Variants in AMBRA1 observed in about 807,000 individuals in gnomAD.
AMBRA1 encodes the protein activating molecule in BECN1-regulated autophagy protein 1.
Under a neutral mutation model 125.4 loss-of-function variants are expected in AMBRA1, and 47 were observed. The ratio of observed to expected loss-of-function variants is 0.37; its 90% confidence interval spans 0.30 to 0.48. The LOEUF is 0.48. Among genes scored for constraint, AMBRA1 ranks in the 20% least tolerant of loss-of-function variants. AMBRA1 has a pLI of 0.99. For synonymous variants in AMBRA1, 626 were observed against 655.5 expected (o/e 0.95, Z 0.69); for missense variants, 1,331 against 1,693.4 (o/e 0.79, Z 3.76).
At chr11:46,402,881 A>T (rs2136591311) in intron 17 of AMBRA1, among the ~76,000 whole-genome samples, 1 of 152,326 alleles carries the variant, frequency 6.6e-6, no homozygotes, top group African/African-American at 2.4e-5. Context: ...CTACAGAACT[A>T]TGAGCTATGC....
intron 11 of AMBRA1, among the ~76,000 whole-genome samples, chr11:46,449,121 C>T (rs190041283): frequency 5.9e-5 from 9 of 152,252 alleles, no homozygotes; most frequent in Admixed American, 3.3e-4. Flanking sequence ...CCCCCTAAGA[C>T]CAGGAACAAG....
intron 9 of AMBRA1, chr11:46,495,546 G>C (rs1313434815): frequency 6.6e-6 from 1 of 152,120 alleles, no homozygotes; most frequent in African/African-American, 2.4e-5. Flanking sequence ...TTATTCCTTT[G>C]ACCTGAAATT....
At chr11:46,413,977 AG>A (rs1398509872) in intron 15 of AMBRA1, among the ~76,000 whole-genome samples, 3 of 152,174 alleles carry the variant, frequency 2.0e-5, no homozygotes, top group Non-Finnish European at 4.4e-5. Flanking sequence ...AATCAGGGCC[AG>A]CCTTTTCCAG....
At chr11:46,454,787 T>C (rs1948778939) in intron 11 of AMBRA1, among the ~76,000 whole-genome samples, 1 of 150,656 alleles carries the variant, frequency 6.6e-6, no homozygotes, top group Non-Finnish European at 1.5e-5. Context: ...AAAGAGAAAT[T>C]AACCTGATAT....
At chr11:46,574,411 G>A (rs1180666469) in intron 1 of AMBRA1, among the ~76,000 whole-genome samples, 3 of 151,686 alleles carry the variant, frequency 2.0e-5, no homozygotes, top group African/African-American at 7.3e-5. Flanking sequence ...TTCCTCTGAT[G>A]GCCAGTGATG....
rs888105331 is a variant in AMBRA1, at chr11:46,542,647, C to A, written c.1370G>T (p.Gly457Val). The A allele has an allele frequency of 1.2e-6, 2 of 1,614,048 alleles. No individual in the cohort carries two copies. The highest frequency in any genetic ancestry group is 2.7e-5 in the African/African-American group (2 of 74,926). ...TGAAGTGTACACAGATGCCTGAGAG[C>A]CACCTTCCTGCTGTCTCAGCACAGA... ...LLSVLRQQEG[G>V]SQASVYTSAT... The change falls in exon 7 of 18, where the codon GGC (glycine) becomes GTC (valine). Residue 457 changes from glycine to valine, a missense_variant. Around this residue, in one of 4 missense-constraint regions of AMBRA1, gnomAD observed 689 missense variants for 776.5 expected, o/e 0.89. Coordinates refer to ENST00000683756, the MANE Select transcript of AMBRA1 (RefSeq NM_001387011.1). This position sits in a 1 kb window ranked among gnomAD's most constrained non-coding sequence, Gnocchi z 5.9.
intron 1 of AMBRA1, among the ~76,000 whole-genome samples, chr11:46,588,663 T>C (rs1041385763): frequency 2.0e-5 from 3 of 150,222 alleles, no homozygotes; most frequent in Non-Finnish European, 4.4e-5. Context: ...TAGTCCCAGC[T>C]ACCAGGGAGG....
At position 46,397,798 on chromosome 11, in the gene AMBRA1, G is replaced by T; in HGVS notation, c.3549C>A (p.Ile1183=). 1 of 1,609,522 alleles carries T rather than the reference G, an allele frequency of 6.2e-7. No homozygotes were observed. ...ASMGGFGNNI[I]VSHRIHRSSQ... is the part of the protein sequence containing the mutation. Reference sequence around the variant, plus strand: ...AGCTGCGGTGAATGCGGTGGCTGACGATGATGTTGTTGCCGAAGCCGCCCA... The same window carrying T: ...AGCTGCGGTGAATGCGGTGGCTGACTATGATGTTGTTGCCGAAGCCGCCCA... The change falls in exon 18 of 18, where the codon ATC becomes ATA. Residue 1183 remains isoleucine (I), a synonymous_variant. Coordinates refer to ENST00000683756, the MANE Select transcript of AMBRA1 (RefSeq NM_001387011.1).
At chr11:46,533,929 A>G (rs1952335867) in intron 7 of AMBRA1, among the ~76,000 whole-genome samples, 1 of 151,384 alleles carries the variant, frequency 6.6e-6, no homozygotes, top group Non-Finnish European at 1.5e-5. Flanking sequence ...CATCTCAGAG[A>G]TTTTGCATTC....
chr11:46,451,772 C>A (rs1282685555), intron 11 of AMBRA1: 1 of 152,022 alleles, frequency 6.6e-6, no homozygotes, highest in East Asian at 2.0e-4. Context: ...ATCCTGGAGA[C>A]ACAATTACTA....
chr11:46,563,842 CAAAAAAAAAAA>C (rs1262343623), intron 1 of AMBRA1, among the ~76,000 whole-genome samples: 2 of 46,664 alleles, frequency 4.3e-5, no homozygotes, highest in Non-Finnish European at 8.6e-5. Context: ...GAGACTGTCT[CAAAAAAAAAAA>C]AAAAAAAAAG....
chr11:46,527,008 A>G (rs983499025), intron 7 of AMBRA1, among the ~76,000 whole-genome samples: 19 of 152,236 alleles, frequency 1.2e-4, no homozygotes, highest in African/African-American at 4.3e-4. Flanking sequence ...TTTGTAAAGC[A>G]TAAGGCCCCT....
At chr11:46,589,975 A>G (rs1214844114) in intron 1 of AMBRA1, among the ~76,000 whole-genome samples, 1 of 152,102 alleles carries the variant, frequency 6.6e-6, no homozygotes, top group Non-Finnish European at 1.5e-5. Flanking sequence ...GAGGACCAAA[A>G]TGTTTGGATT....
Position 46,399,593 on chromosome 11 carries a change from G to A in AMBRA1, c.3404-1650C>T, listed in dbSNP as rs183307646. Among the ~76,000 whole-genome samples, 711 of 152,222 alleles carry A rather than the reference G, an allele frequency of 4.7e-3. 3 individuals are homozygous for A. Among genetic ancestry groups the A allele is most frequent in the Admixed American group, 8.0e-3 (123 of 15,298 alleles). Reference sequence around the variant, plus strand: ...TTGGCCAGGCTGCTCTCGACCTCCTGACTTCAGGCGATCCGCCCACCTAGG... The same window carrying A: ...TTGGCCAGGCTGCTCTCGACCTCCTAACTTCAGGCGATCCGCCCACCTAGG... On this transcript the variant is annotated intron_variant, in intron 17 of 17. Coordinates refer to ENST00000683756, the MANE Select transcript of AMBRA1 (RefSeq NM_001387011.1).
intron 14 of AMBRA1, among the ~76,000 whole-genome samples, chr11:46,427,112 G>C (rs1213413341): frequency 6.6e-6 from 1 of 152,166 alleles, no homozygotes. Flanking sequence ...GGGAAGGAGA[G>C]AGTCATAATG....
chr11:46,422,156 C>T (rs986875558), intron 14 of AMBRA1, among the ~76,000 whole-genome samples: 3 of 152,138 alleles, frequency 2.0e-5, no homozygotes, highest in Non-Finnish European at 4.4e-5. Context: ...CTCTGTGGGG[C>T]TGAATACAAA....
chr11:46,456,789 T>C (rs1948865311), intron 11 of AMBRA1, among the ~76,000 whole-genome samples: 1 of 152,206 alleles, frequency 6.6e-6, no homozygotes, highest in Admixed American at 6.5e-5. Context: ...GGAAATGTGC[T>C]GAACGTGGGT....
intron 7 of AMBRA1, among the ~76,000 whole-genome samples, chr11:46,525,198 G>A (rs990381994): frequency 2.6e-5 from 4 of 152,184 alleles, no homozygotes; most frequent in African/African-American, 9.7e-5. Flanking sequence ...CTACTTGGGA[G>A]GCTGAGGCAA....
At chr11:46,462,383 A>T (rs982967004) in intron 11 of AMBRA1, among the ~76,000 whole-genome samples, 1 of 152,174 alleles carries the variant, frequency 6.6e-6, no homozygotes, top group African/African-American at 2.4e-5. Context: ...ATACAAAACC[A>T]TCTATCTTCC....
Sources: allele counts gnomAD v4.1 joint callset (sites outside exome capture counted in the v4.1 genomes callset), GRCh38; gene constraint gnomAD v4.1.1; regional missense constraint gnomAD v4.1.1; non-coding constraint Gnocchi (gnomAD v3.1); transcripts MANE v1.5; gene names NCBI Gene and HGNC (gene_info 2026-07-23, HGNC 2026-07-21).